The following ATRN variants were observed in gnomAD, a reference collection of about 807,000 sequenced individuals.
ATRN encodes the protein attractin-2.
ATRN carries 54 observed loss-of-function variants against 178.7 expected under a neutral mutation model. That is an observed-to-expected ratio of 0.30 (90% CI 0.24 to 0.38). ATRN has a LOEUF of 0.38. ATRN is among the 10% of genes least tolerant of loss of function. ATRN has a pLI of 1.00. For missense variants in ATRN, 1,443 were observed against 1,815.1 expected, an observed-to-expected ratio of 0.79 and a Z score of 3.73; for synonymous variants, 636 against 663.0, an observed-to-expected ratio of 0.96 and a Z score of 0.63.
rs1600176776 is a variant in ATRN, at chr20:3,645,980, G to A, written c.4166-743G>A. ...AAGTCCCCAAAGCAAAGTGGGCGGCGGGGCAGTGATGAGCATAAAGGGTAG... is the reference window on the plus strand; with the variant it reads ...AAGTCCCCAAAGCAAAGTGGGCGGCAGGGCAGTGATGAGCATAAAGGGTAG... On this transcript the variant is annotated intron_variant, in intron 28 of 28. Coordinates refer to ENST00000262919, the MANE Select transcript of ATRN (RefSeq NM_139321.3). This position sits in a 1 kb window ranked among gnomAD's most constrained non-coding sequence, Gnocchi z 4.7. 6.6e-6 allele frequency among the ~76,000 whole-genome samples: 1 copy of A among 152,142 alleles called. No individual in the cohort carries two copies. Among genetic ancestry groups the A allele is most frequent in the East Asian group, 1.9e-4 (1 of 5,192 alleles).
chr20:3,607,891 C>A (rs933804463), intron 24 of ATRN, among the ~76,000 whole-genome samples: 1 of 152,030 alleles, frequency 6.6e-6, no homozygotes, highest in African/African-American at 2.4e-5. Context: ...GTTATTTTGT[C>A]TTTTTAATAA....
chr20:3,613,330 C>T (rs1407453983), intron 24 of ATRN, among the ~76,000 whole-genome samples: 7 of 152,134 alleles, frequency 4.6e-5, no homozygotes, highest in African/African-American at 1.4e-4. Flanking sequence ...TCTCAGTCCT[C>T]GCATGAGAGC....
chr20:3,499,408 G>A (rs1233620789), intron 1 of ATRN, among the ~76,000 whole-genome samples: 1 of 143,106 alleles, frequency 7.0e-6, no homozygotes, highest in Non-Finnish European at 1.5e-5. Flanking sequence ...AAAGCTGTAG[G>A]CATCACACTA....
intron 25 of ATRN, among the ~76,000 whole-genome samples, chr20:3,627,178 G>C (rs1057313387): frequency 2.6e-5 from 4 of 152,178 alleles, no homozygotes; most frequent in African/African-American, 9.7e-5. Flanking sequence ...AGTTAAAGTT[G>C]TGCTTCGAGG....
intron 27 of ATRN, 138 bp downstream of exon 27, chr20:3,639,073 A>C: frequency 1.7e-6 from 1 of 603,288 alleles, no homozygotes; most frequent in Non-Finnish European, 2.8e-6. Context: ...ATAAGCTAAA[A>C]CCTGAAGTTG....
chr20:3,545,091 G>A lies in ATRN; in HGVS notation c.609-671G>A, dbSNP rs374914527. Among the ~76,000 whole-genome samples the A allele has an allele frequency of 1.1e-4, 17 of 151,950 alleles. No individual in the cohort carries two copies. The East Asian group carries it at 2.9e-3, about 26-fold the overall frequency. On this transcript the variant is annotated intron_variant, in intron 3 of 28. Transcript: ENST00000262919. ...AAATATTTTATATAAAATATCTTGGGCACAATGGCTCACGCCTGTAGTCCC... is the reference window on the plus strand; with the variant it reads ...AAATATTTTATATAAAATATCTTGGACACAATGGCTCACGCCTGTAGTCCC...
At position 3,576,758 on chromosome 20, in the gene ATRN, G is replaced by T; in HGVS notation, c.2215-101G>T. On this transcript the variant is annotated intron_variant, in intron 13 of 28. Coordinates refer to ENST00000262919, the MANE Select transcript of ATRN (RefSeq NM_139321.3). ...CTGTCTATCTATTTATTTGCAGTTT[G>T]CTTCCTCAATTAGATTTTGTTGTCT... 2.9e-6 allele frequency: 3 copies of T among 1,034,994 alleles called. No homozygotes were observed. In the South Asian group the frequency reaches 5.6e-5, roughly 19 times the overall value. 64.1% of individuals were successfully genotyped at this position (1,034,994 alleles called of 1,614,324 possible). A position where few individuals can be genotyped will look rare whatever the true frequency, so the allele number is the denominator to read the frequency against.
intron 15 of ATRN, among the ~76,000 whole-genome samples, chr20:3,579,564 G>C (rs2086255888): frequency 6.6e-6 from 1 of 152,142 alleles, no homozygotes; most frequent in South Asian, 2.1e-4. Flanking sequence ...CAAAAGAAGA[G>C]AGCACCTTCT....
intron 1 of ATRN, among the ~76,000 whole-genome samples, chr20:3,513,448 G>T (rs1159075623): frequency 1.3e-5 from 2 of 152,174 alleles, no homozygotes; most frequent in African/African-American, 4.8e-5. Flanking sequence ...TGAAGGCTCT[G>T]TTCTGTTCCG....
At chr20:3,493,156 A>T (rs542504657) in intron 1 of ATRN, among the ~76,000 whole-genome samples, 2 of 147,984 alleles carry the variant, frequency 1.4e-5, no homozygotes, top group East Asian at 2.0e-4. Flanking sequence ...GTGTATAATT[A>T]AAAAAAATTT....
intron 6 of ATRN, among the ~76,000 whole-genome samples, chr20:3,556,765 G>A (rs1004507720): frequency 6.6e-6 from 1 of 151,922 alleles, no homozygotes; most frequent in Admixed American, 6.6e-5. Flanking sequence ...ATGTTTTATT[G>A]CATCAGTATC....
intron 1 of ATRN, among the ~76,000 whole-genome samples, chr20:3,497,049 G>T (rs1218177518): frequency 6.6e-6 from 1 of 151,558 alleles, no homozygotes; most frequent in East Asian, 1.9e-4. Context: ...TTGAGCCTAT[G>T]TGTGTCTCTG....
At chr20:3,513,521 A>G (rs1022412892) in intron 1 of ATRN, among the ~76,000 whole-genome samples, 3 of 152,144 alleles carry the variant, frequency 2.0e-5, no homozygotes, top group Non-Finnish European at 2.9e-5. Flanking sequence ...GCCTTGTAGT[A>G]TAGTCTGAAG....
chr20:3,541,031 G>A (rs1256669125), intron 3 of ATRN, among the ~76,000 whole-genome samples: 1 of 150,750 alleles, frequency 6.6e-6, no homozygotes, highest in African/African-American at 2.4e-5. Context: ...GGCCACATTG[G>A]AATTCAAAAC....
intron 15 of ATRN, among the ~76,000 whole-genome samples, chr20:3,579,350 G>T (rs1041314371): frequency 1.3e-5 from 2 of 152,158 alleles, no homozygotes; most frequent in African/African-American, 4.8e-5. Flanking sequence ...GCCAGGCATG[G>T]TGGTGTGCGC....
intron 14 of ATRN, 114 bp downstream of exon 14, chr20:3,577,111 T>G: frequency 1.5e-6 from 2 of 1,319,158 alleles, no homozygotes; most frequent in South Asian, 3.0e-5. Context: ...ATTCTGTCCA[T>G]TCATCCCCCA....
chr20:3,586,649 A>C (rs1191352142), intron 18 of ATRN, among the ~76,000 whole-genome samples: 3 of 149,260 alleles, frequency 2.0e-5, no homozygotes, highest in Non-Finnish European at 4.4e-5. Flanking sequence ...GAGTAGCTGC[A>C]GTATTATTTT....
At chr20:3,559,612 A>G in intron 7 of ATRN, 129 bp downstream of exon 7, 1 of 677,234 alleles carries the variant, frequency 1.5e-6, no homozygotes. Flanking sequence ...GGGGCATTAT[A>G]TAATTGGCTA....
rs1000109581 is a variant in ATRN at position 3,576,012 on chromosome 20, G to T, written c.2214+64G>T. ...ATTTGTCATAGGTTTAGCTTTTATA[G>T]TGTATATGGTATAAATAATGGCCCA... On this transcript the variant is annotated intron_variant, in intron 13 of 28. Transcript: ENST00000262919. 2.6e-6 allele frequency: 4 copies of T among 1,530,114 alleles called. No individual in the cohort carries two copies. The Admixed American group carries it at 8.0e-5, about 31-fold the overall frequency. 94.8% of individuals were successfully genotyped at this position (1,530,114 alleles called of 1,614,324 possible).
Sources: allele counts gnomAD v4.1 joint callset (sites outside exome capture counted in the v4.1 genomes callset), GRCh38; gene constraint gnomAD v4.1.1; non-coding constraint Gnocchi (gnomAD v3.1); transcripts MANE v1.5; gene names NCBI Gene and HGNC (gene_info 2026-07-23, HGNC 2026-07-21).